The following ADGRL4 variants were observed in gnomAD, a reference collection of about 807,000 sequenced individuals.
ADGRL4 encodes the protein adhesion G protein-coupled receptor L4.
Under a neutral mutation model 74.8 loss-of-function variants are expected in ADGRL4, and 90 were observed. The observed-to-expected ratio is 1.20, with a 90% CI of 1.02 to 1.43. ADGRL4 has a LOEUF of 1.43. Among genes scored for constraint, ADGRL4 ranks in the 40% most tolerant of loss-of-function variants. The probability of loss-of-function intolerance (pLI) is 0.00; values close to 1 mark genes in which losing one functional copy is unlikely to be tolerated. For missense variants in ADGRL4, 881 were observed against 814.3 expected (o/e 1.08, Z -1.00); for synonymous variants, 311 against 279.2 (o/e 1.11, Z -1.14).
At chr1:78,996,045 A>C (rs1372919834) in intron 2 of ADGRL4, among the ~76,000 whole-genome samples, 2 of 152,204 alleles carry the variant, frequency 1.3e-5, no homozygotes, top group Admixed American at 1.3e-4. Flanking sequence ...TTTATTATTA[A>C]TATGATATAC....
intron 2 of ADGRL4, among the ~76,000 whole-genome samples, chr1:78,958,353 T>G (rs1649875990): frequency 6.6e-6 from 1 of 152,162 alleles, no homozygotes; most frequent in Non-Finnish European, 1.5e-5. Context: ...TCTGGACAAG[T>G]AAATTGAAAC....
chr1:78,965,917 G>A (rs2100712496), intron 2 of ADGRL4, among the ~76,000 whole-genome samples: 1 of 150,382 alleles, frequency 6.6e-6, no homozygotes, highest in Non-Finnish European at 1.5e-5. Context: ...TCAAATGAAT[G>A]TTTTGCCAAA....
intron 2 of ADGRL4, among the ~76,000 whole-genome samples, chr1:78,960,683 C>T (rs751688525): frequency 6.6e-6 from 1 of 152,080 alleles, no homozygotes; most frequent in Non-Finnish European, 1.5e-5. Context: ...GAAATCCTAA[C>T]CCCCAAGGTG....
At chr1:78,935,708 T>G (rs1649339057) in intron 7 of ADGRL4, among the ~76,000 whole-genome samples, 1 of 152,106 alleles carries the variant, frequency 6.6e-6, no homozygotes, top group Non-Finnish European at 1.5e-5. Flanking sequence ...TTTGTATATT[T>G]TCATTAGAAT....
chr1:78,948,011 G>A (rs1162166076), intron 2 of ADGRL4, among the ~76,000 whole-genome samples: 1 of 152,068 alleles, frequency 6.6e-6, no homozygotes, highest in Non-Finnish European at 1.5e-5. Context: ...AGCTCTAGGA[G>A]GTAGGTATTA....
At chr1:78,946,233 A>G (rs6675156) in intron 3 of ADGRL4, 41 bp downstream of exon 3, 76,183 of 1,539,504 alleles carry the variant, frequency 0.049, 2,129 homozygotes, top group Middle Eastern at 0.059. Flanking sequence ...AACAAACAAT[A>G]AGAGATATAT....
chr1:78,995,752 A>T (rs1650699486), intron 2 of ADGRL4, among the ~76,000 whole-genome samples: 1 of 152,244 alleles, frequency 6.6e-6, no homozygotes, highest in African/African-American at 2.4e-5. Flanking sequence ...ACATCAATAA[A>T]GATATTAGTC....
At chr1:78,909,013 G>A (rs1392419014) in intron 12 of ADGRL4, among the ~76,000 whole-genome samples, 1 of 151,546 alleles carries the variant, frequency 6.6e-6, no homozygotes. Context: ...GTTTCAAGAA[G>A]GTCAAAATAA....
chr1:78,995,630 T>C (rs543006785), intron 2 of ADGRL4, among the ~76,000 whole-genome samples: 62 of 152,340 alleles, frequency 4.1e-4, no homozygotes, highest in Non-Finnish European at 6.9e-4. Context: ...ATCTTTCAAA[T>C]TGAGTCCAAA....
chr1:78,969,412 A>G (rs1650124649), intron 2 of ADGRL4, among the ~76,000 whole-genome samples: 1 of 152,158 alleles, frequency 6.6e-6, no homozygotes, highest in African/African-American at 2.4e-5. Context: ...AGGGTTCCTG[A>G]CTGGTGGTCA....
chr1:78,964,274 C>G (rs1650012383), intron 2 of ADGRL4, among the ~76,000 whole-genome samples: 1 of 152,188 alleles, frequency 6.6e-6, no homozygotes, highest in Non-Finnish European at 1.5e-5. Context: ...ATTTATCACT[C>G]TAGTGCTTTT....
At chr1:78,974,103 T>C (rs991736035) in intron 2 of ADGRL4, among the ~76,000 whole-genome samples, 1 of 152,188 alleles carries the variant, frequency 6.6e-6, no homozygotes, top group Admixed American at 6.6e-5. Flanking sequence ...TCATGTTGTC[T>C]TCCTGTTCCT....
intron 2 of ADGRL4, among the ~76,000 whole-genome samples, chr1:78,967,761 T>C (rs551763815): frequency 3.2e-4 from 48 of 152,322 alleles, no homozygotes; most frequent in African/African-American, 1.1e-3. Flanking sequence ...TAATCTGCTC[T>C]TTGGCAAAAT....
At chr1:78,920,593 C>T (rs1648977195) in intron 9 of ADGRL4, among the ~76,000 whole-genome samples, 1 of 151,758 alleles carries the variant, frequency 6.6e-6, no homozygotes, top group Non-Finnish European at 1.5e-5. Flanking sequence ...AATCATGTAG[C>T]ACTTTAACAG....
intron 2 of ADGRL4, among the ~76,000 whole-genome samples, chr1:78,990,683 C>T (rs765440071): frequency 2.0e-5 from 3 of 151,856 alleles, no homozygotes; most frequent in African/African-American, 2.4e-5. Flanking sequence ...CATTCTTCTC[C>T]ACATGATATT....
In ADGRL4 at chr1:78,937,794, C is replaced by T. The variant is rs757829483; in HGVS notation, c.760+13G>A. 9 of 1,596,260 alleles carry T rather than the reference C, an allele frequency of 5.6e-6. No homozygotes were observed. In the East Asian group the frequency reaches 1.8e-4, roughly 32 times the overall value. ...AAAACACAATTACTTTTAAATGGAC[C>T]CTTGTTTCTTACCTATATCCGTTGA... On this transcript the variant is annotated intron_variant, in intron 6 of 14. Coordinates refer to ENST00000370742, the MANE Select transcript of ADGRL4 (RefSeq NM_022159.4).
intron 12 of ADGRL4, among the ~76,000 whole-genome samples, chr1:78,894,836 G>A (rs1371758068): frequency 6.6e-6 from 1 of 151,840 alleles, no homozygotes; most frequent in Non-Finnish European, 1.5e-5. Flanking sequence ...CTGTTCTCTA[G>A]ATCCACAAGT....
chr1:78,987,658 C>T (rs946217807), intron 2 of ADGRL4, among the ~76,000 whole-genome samples: 4 of 151,686 alleles, frequency 2.6e-5, no homozygotes, highest in South Asian at 2.1e-4. Flanking sequence ...TAGTTAGGTT[C>T]GAACCTTACT....
intron 12 of ADGRL4, among the ~76,000 whole-genome samples, chr1:78,898,310 A>T (rs1410726085): frequency 6.6e-6 from 1 of 152,094 alleles, no homozygotes; most frequent in Non-Finnish European, 1.5e-5. Context: ...TTAAAATGTA[A>T]GAAAAATCAT....
Sources: allele counts gnomAD v4.1 joint callset (sites outside exome capture counted in the v4.1 genomes callset), GRCh38; gene constraint gnomAD v4.1.1; transcripts MANE v1.5; gene names NCBI Gene and HGNC (gene_info 2026-07-23, HGNC 2026-07-21).